The following RIF1 variants were observed in gnomAD, a reference collection of about 807,000 sequenced individuals.
The protein encoded by RIF1 is telomere-associated protein RIF1.
A neutral mutation model predicts 247.1 loss-of-function variants in RIF1; 45 were observed. The observed-to-expected ratio is 0.18, with a 90% confidence interval of 0.14 to 0.23. The LOEUF (loss-of-function observed/expected upper bound fraction) is 0.23. Ranked by LOEUF, RIF1 falls within the 10% of genes least tolerant of loss-of-function variation. The pLI is 1.00. For missense variants in RIF1, 2,967 were observed against 2,862.5 expected, an observed-to-expected ratio of 1.04 and a Z score of -0.83; for synonymous variants, 1,087 against 978.8, an observed-to-expected ratio of 1.11 and a Z score of -2.06.
intron 6 of RIF1, among the ~76,000 whole-genome samples, chr2:151,418,790 A>G (rs4335940): frequency 0.64 from 97,422 of 151,436 alleles, 31,467 homozygotes; most frequent in South Asian, 0.8. Context: ...ATTGAGAATC[A>G]CTTGCACCCG....
chr2:151,411,616 G>GTCTCGAACT (rs1204219404), intron 3 of RIF1, among the ~76,000 whole-genome samples: 17 of 152,082 alleles, frequency 1.1e-4, no homozygotes, highest in Admixed American at 1.3e-4. Context: ...GGTCAGGCTG[G>GTCTCGAACT]TCTCGAACTC....
intron 9 of RIF1, among the ~76,000 whole-genome samples, chr2:151,430,862 C>T (rs1257240351): frequency 2.6e-5 from 4 of 152,022 alleles, no homozygotes; most frequent in East Asian, 1.9e-4. Flanking sequence ...CCACGTTGCC[C>T]GGGCTAGTCT....
In RIF1 at chr2:151,444,489, T is replaced by C. The variant is rs115080727; in HGVS notation, c.1986+780T>C. On this transcript the variant is annotated intron_variant, in intron 18 of 35. Coordinates refer to ENST00000444746, the MANE Select transcript of RIF1 (RefSeq NM_018151.5). ...CAAGCCCAGTTAATTTTTGTATTTT[T>C]AGTCAAGATGGGGTTTCACTGTATT... Among the ~76,000 whole-genome samples the C allele has an allele frequency of 2.9e-3, 441 of 152,318 alleles. 2 individuals carry two copies. The highest frequency in any genetic ancestry group is 0.01 in the African/African-American group (422 of 41,576).
chr2:151,422,777 A>G (rs1688402266), intron 7 of RIF1, among the ~76,000 whole-genome samples, 173 bp from the exon 8 acceptor site: 1 of 151,760 alleles, frequency 6.6e-6, no homozygotes, highest in Non-Finnish European at 1.5e-5. Flanking sequence ...TCAGCCTCCC[A>G]AAGTGCTGGG....
chr2:151,504,687 C>T (rs1338506463), intron 12 of RIF1, among the ~76,000 whole-genome samples: 1 of 152,208 alleles, frequency 6.6e-6, no homozygotes, highest in African/African-American at 2.4e-5. Context: ...CCAAACTTCA[C>T]ATAGTCTTTT....
At position 151,414,843 on chromosome 2, in the gene RIF1, C is replaced by T. The variant is rs562198354; in HGVS notation, c.204C>T (p.Asn68=). ...TGTAGACTCACATTTCCAGTCAAAA[C>T]TCGGAGCTGAGTAGTGCTGCTCTAC... ...KVLKTHISSQ[N]SELSSAALQA... Residue 68 remains asparagine (N), a synonymous_variant, in exon 4 of 36, where the codon AAC becomes AAT. Coordinates refer to ENST00000444746, the MANE Select transcript of RIF1 (RefSeq NM_018151.5). 1.2e-6 allele frequency: 2 copies of T among 1,610,498 alleles called. No homozygotes were observed. The highest frequency in any genetic ancestry group is 1.7e-6 in the Non-Finnish European group (2 of 1,178,482).
chr2:151,452,163 G>GT (rs1241479110), intron 21 of RIF1, among the ~76,000 whole-genome samples: 1 of 152,098 alleles, frequency 6.6e-6, no homozygotes, highest in African/African-American at 2.4e-5. Flanking sequence ...TTCCAGAAAT[G>GT]TTACAAAGTT....
At chr2:151,456,648 A>G (rs753417193) in intron 23 of RIF1, 28 bp downstream of exon 23, 58 of 1,304,282 alleles carry the variant, frequency 4.4e-5, no homozygotes, top group South Asian at 6.4e-5. Context: ...TCCATAAACC[A>G]TACTTTCATG....
chr2:151,428,856 C>T lies in RIF1; in HGVS notation c.859C>T (p.Pro287Ser). 1.9e-6 allele frequency: 3 copies of T among 1,553,422 alleles called. No individual in the cohort carries two copies. The highest frequency in any genetic ancestry group is 2.7e-6 in the Non-Finnish European group (3 of 1,125,146). ...AGAACTTGGATTTCGTAGTGGAGCA[C>T]CCATGATTAAAAAGATAGCTTTTAT... is the stretch of plus-strand genomic sequence containing the variant. ...LEELGFRSGAPMIKKIAFIAW... is the reference protein window; with the variant it reads ...LEELGFRSGASMIKKIAFIAW... Residue 287 changes from proline (P) to serine (S), a missense_variant, in exon 9 of 36, where the codon CCC becomes TCC. This residue lies in a region of RIF1 where 71 missense variants were observed against 132.9 expected (regional missense o/e 0.53). Coordinates refer to ENST00000444746, the MANE Select transcript of RIF1 (RefSeq NM_018151.5).
intron 10 of RIF1, chr2:151,497,932 A>AGAGTT: frequency 6.9e-7 from 1 of 1,454,344 alleles, no homozygotes; most frequent in Non-Finnish European, 9.0e-7. Flanking sequence ...AAGGGCTGTC[A>AGAGTT]GAGTTATCCA....
intron 9 of RIF1, among the ~76,000 whole-genome samples, chr2:151,429,391 G>A (rs1217105848): frequency 6.6e-6 from 1 of 152,154 alleles, no homozygotes; most frequent in East Asian, 1.9e-4. Flanking sequence ...ATGTTGGCCA[G>A]GCTGGTCTGG....
rs563913377 is a variant in RIF1 at position 151,446,662 on chromosome 2, C to G, written c.2244+87C>G. On this transcript the variant is annotated intron_variant, in intron 20 of 35. Transcript: ENST00000444746. The stretch of plus-strand genomic sequence containing the variant: ...GGAGATAATATTTGTGAACTGTCAC[C>G]TATTACTGCCTCTATTTATATGTGA... 6 of 1,208,818 alleles carry G rather than the reference C, an allele frequency of 5.0e-6. 1 individual carries two copies. In the African/African-American group the frequency reaches 7.7e-5, roughly 15 times the overall value. 74.9% of individuals were successfully genotyped at this position (1,208,818 alleles called of 1,614,324 possible). A position where few individuals can be genotyped will look rare whatever the true frequency, so the allele number is the denominator to read the frequency against.
At chr2:151,455,796 A>G (rs1255055742) in intron 22 of RIF1, among the ~76,000 whole-genome samples, 3 of 152,164 alleles carry the variant, frequency 2.0e-5, no homozygotes, top group Non-Finnish European at 4.4e-5. Context: ...CTAATACCCC[A>G]TGGATACTGA....
chr2:151,479,379 A>C lies in RIF1; in HGVS notation c.*4308A>C, dbSNP rs1057394167. ...CTTATTGATAAGGCAAAGTAGACAA[A>C]GTATTTTCTCATGAGTATTTGTGGG... On this transcript the variant is annotated 3_prime_UTR_variant, in exon 36 of 36. Coordinates refer to ENST00000444746, the MANE Select transcript of RIF1 (RefSeq NM_018151.5). 1.3e-5 allele frequency: 2 copies of C among 152,326 alleles called. No individual in the cohort carries two copies. The highest frequency in any genetic ancestry group is 1.5e-5 in the Non-Finnish European group (1 of 68,022). 9.4% of individuals were successfully genotyped at this position (152,326 alleles called of 1,614,324 possible).
intron 3 of RIF1, among the ~76,000 whole-genome samples, chr2:151,413,922 G>A (rs571511995): frequency 6.6e-6 from 1 of 152,292 alleles, no homozygotes; most frequent in South Asian, 2.1e-4. Context: ...AAGGGAAATG[G>A]GGTACAGGGT....
At chr2:151,462,536 G>T in intron 29 of RIF1, 70 bp downstream of exon 29, 1 of 983,068 alleles carries the variant, frequency 1.0e-6, no homozygotes, top group South Asian at 1.7e-5. Context: ...TTAAACTGCT[G>T]AAATGTCTGT....
At chr2:151,485,494 C>A (rs1426368139), downstream of RIF1, 6 of 307,280 alleles carry the variant, frequency 2.0e-5, no homozygotes, top group Middle Eastern at 1.8e-3. Flanking sequence ...ATTCAAAATC[C>A]CTGTTTTAGA....
intron 4 of RIF1, among the ~76,000 whole-genome samples, chr2:151,415,807 A>T (rs2342911): frequency 1.3e-5 from 2 of 151,722 alleles, no homozygotes; most frequent in Non-Finnish European, 2.9e-5. Context: ...AACCTGGGAG[A>T]TGGAGGTTGC....
chr2:151,474,972 A>G lies in RIF1; in HGVS notation c.7320A>G (p.Gln2440=), dbSNP rs372152841. The G allele has an allele frequency of 9.3e-5, 150 of 1,613,246 alleles. 1 individual carries two copies. Among genetic ancestry groups the G allele is most frequent in the African/African-American group, 1.3e-4 (10 of 74,932 alleles). ...SEDLHNYSGS[Q]LFEMHEKLSC... is the part of the protein sequence containing the mutation. ...ATCTTCATAATTATTCAGGAAGCCAACTATTTGAAATGCACGAGAAACTAA... is the reference window on the plus strand; with the variant it reads ...ATCTTCATAATTATTCAGGAAGCCAGCTATTTGAAATGCACGAGAAACTAA... Residue 2440 remains glutamine, a synonymous_variant, in exon 36 of 36, where the codon CAA becomes CAG. Coordinates refer to ENST00000444746, the MANE Select transcript of RIF1 (RefSeq NM_018151.5).
Sources: allele counts gnomAD v4.1 joint callset (sites outside exome capture counted in the v4.1 genomes callset), GRCh38; gene constraint gnomAD v4.1.1; regional missense constraint gnomAD v4.1.1; transcripts MANE v1.5; gene names NCBI Gene and HGNC (gene_info 2026-07-23, HGNC 2026-07-21).